The following ETV7 variants were observed in gnomAD, a reference collection of about 807,000 sequenced individuals.
The protein encoded by ETV7 is ETS variant transcription factor 7.
In ETV7, 43 loss-of-function variants were observed where a neutral mutation model predicts 39.1. The ratio of observed to expected loss-of-function variants is 1.10; its 90% CI spans 0.86 to 1.42. The LOEUF (loss-of-function observed/expected upper bound fraction) is 1.42, where lower values mean the gene tolerates loss of function less well. ETV7 is among the 40% of genes most tolerant of loss of function. The probability of loss-of-function intolerance (pLI) is 0.00; values close to 1 mark genes in which losing one functional copy is unlikely to be tolerated. For synonymous variants in ETV7, 196 were observed against 176.6 expected, an observed-to-expected ratio of 1.11 and a Z score of -0.87; for missense variants, 432 against 442.3, an observed-to-expected ratio of 0.98 and a Z score of 0.21.
intron 6 of ETV7, among the ~76,000 whole-genome samples, chr6:36,367,701 TTCTC>T (rs902155629): frequency 2.0e-5 from 3 of 151,832 alleles, no homozygotes; most frequent in Non-Finnish European, 4.4e-5. Flanking sequence ...AGTCATTTCT[TTCTC>T]TCTCGGGGGT....
chr6:36,377,452 C>A (rs1480388758), intron 2 of ETV7, among the ~76,000 whole-genome samples: 3 of 152,058 alleles, frequency 2.0e-5, no homozygotes, highest in African/African-American at 7.2e-5. Context: ...CAGAGTGAGA[C>A]CCTGTATCAA....
At chr6:36,375,833 G>C in intron 3 of ETV7, 38 bp downstream of exon 3, 15 of 1,613,148 alleles carry the variant, frequency 9.3e-6, no homozygotes, top group Admixed American at 1.7e-5. Context: ...GGCCTACCAG[G>C]GTTCCCGCTT....
chr6:36,366,957 AGGTCATGTTCACCC>A lies in ETV7; in HGVS notation c.812_825del (p.Arg271LeufsTer13). ...CGCAGGGCACGAGACATCTTCTCGT[AGGTCATGTTCACCC>A]GGTTCTGGAAAGCAAAGCAGCCCCA... On this transcript the variant is annotated frameshift_variant, in exon 7 of 8. Coordinates refer to ENST00000340181, the MANE Select transcript of ETV7 (RefSeq NM_016135.4). LOFTEE classifies it high-confidence loss of function. The A allele has an allele frequency of 6.2e-7, 1 of 1,613,976 alleles. No individual in the cohort carries two copies. The highest frequency in any genetic ancestry group is 8.5e-7 in the Non-Finnish European group (1 of 1,179,972).
chr6:36,369,043 AT>A lies in ETV7; in HGVS notation c.692del (p.Tyr231PhefsTer42), dbSNP rs1422011238. 6.2e-7 allele frequency: 1 copy of A among 1,614,196 alleles called. No individual in the cohort carries two copies. The highest frequency in any genetic ancestry group is 1.1e-5 in the South Asian group (1 of 91,090). On this transcript the variant is annotated frameshift_variant, in exon 6 of 8. Coordinates refer to ENST00000340181, the MANE Select transcript of ETV7 (RefSeq NM_016135.4). LOFTEE classifies it high-confidence loss of function. The part of the protein sequence containing the change: ...ADCRLLWDYV[Y>X]QLLLDTRYEP... ...CATATCGGGTATCAAGGAGCAGCTG[AT>A]ACACGTAATCCCACAGCAGGCGGCA...
At chr6:36,365,955 T>C (rs912257652), downstream of ETV7, among the ~76,000 whole-genome samples, 2 of 152,196 alleles carry the variant, frequency 1.3e-5, no homozygotes, top group African/African-American at 4.8e-5. Flanking sequence ...GAGGATCACC[T>C]GAGGTCGCAA....
downstream of ETV7, among the ~76,000 whole-genome samples, chr6:36,362,299 C>T (rs887723999): frequency 8.1e-5 from 12 of 148,114 alleles, no homozygotes; most frequent in East Asian, 2.3e-3. Context: ...GAGACTCTGT[C>T]TCAAAAAAAA....
At chr6:36,359,173 G>A (rs770524235) in intron 7 of ETV7, among the ~76,000 whole-genome samples, 4 of 152,224 alleles carry the variant, frequency 2.6e-5, no homozygotes, top group Non-Finnish European at 4.4e-5. Context: ...TGGACAGGCT[G>A]GGCGAAGTGG....
At chr6:36,354,295 T>C (rs1225354615) in exon 8 of ETV7, 1 of 163,352 alleles carries the variant, frequency 6.1e-6, no homozygotes, top group African/African-American at 2.4e-5. Context: ...TTATTACTTA[T>C]TCTTTTGGTG....
chr6:36,363,039 G>A (rs1034616701), downstream of ETV7, among the ~76,000 whole-genome samples: 5 of 152,276 alleles, frequency 3.3e-5, no homozygotes, highest in Admixed American at 6.5e-5. Context: ...TCGCTCTGGC[G>A]GCAGTTCCCT....
At chr6:36,370,770 T>C (rs1772977456) in intron 5 of ETV7, among the ~76,000 whole-genome samples, 1 of 152,168 alleles carries the variant, frequency 6.6e-6, no homozygotes, top group African/African-American at 2.4e-5. Context: ...TGTCTGGTTG[T>C]CTGCCTGTTA....
chr6:36,372,696 G>T (rs1038790208), intron 4 of ETV7, among the ~76,000 whole-genome samples: 4 of 145,806 alleles, frequency 2.7e-5, no homozygotes, highest in Non-Finnish European at 4.5e-5. Context: ...GGTTTGTGGG[G>T]CTGGGGAAGA....
intron 4 of ETV7, 147 bp downstream of exon 4, chr6:36,373,306 G>T (rs1424689185): frequency 5.8e-6 from 5 of 867,806 alleles, no homozygotes; most frequent in Non-Finnish European, 6.3e-6. Flanking sequence ...GGCCAGGAAC[G>T]CCCCAGAGCA....
intron 7 of ETV7, among the ~76,000 whole-genome samples, chr6:36,355,325 C>G (rs1031784125): frequency 5.9e-5 from 9 of 151,288 alleles, no homozygotes; most frequent in South Asian, 2.1e-4. Context: ...TTTTCCCTAT[C>G]TATTGAGATG....
At chr6:36,364,407 C>A (rs1048114774), downstream of ETV7, among the ~76,000 whole-genome samples, 1 of 152,238 alleles carries the variant, frequency 6.6e-6, no homozygotes, top group South Asian at 2.1e-4. Flanking sequence ...GGTGAGAAAT[C>A]GAGCGCAGCG....
In ETV7 at chr6:36,387,574, T is replaced by C; in HGVS notation, c.-33A>G. The C allele has an allele frequency of 6.2e-7, 1 of 1,613,726 alleles. No homozygotes were observed. Among genetic ancestry groups the C allele is most frequent in the Non-Finnish European group, 8.5e-7 (1 of 1,179,924 alleles). On this transcript the variant is annotated 5_prime_UTR_variant, in exon 1 of 8. Transcript: ENST00000340181. Reference sequence around the variant, plus strand: ...GGAGGTGAGGAAGCCACCGGCTTTCTGTCTTGAGCGCTCCCCTGGCTGTGG... The same window carrying C: ...GGAGGTGAGGAAGCCACCGGCTTTCCGTCTTGAGCGCTCCCCTGGCTGTGG...
chr6:36,363,600 C>T (rs372255721), downstream of ETV7, among the ~76,000 whole-genome samples: 2 of 152,248 alleles, frequency 1.3e-5, no homozygotes, highest in African/African-American at 2.4e-5. Context: ...CCCACGGTGT[C>T]AAAGGGGACC....
downstream of ETV7, among the ~76,000 whole-genome samples, chr6:36,361,503 C>T (rs1582163526): frequency 6.6e-6 from 1 of 152,226 alleles, no homozygotes; most frequent in African/African-American, 2.4e-5. Context: ...GCCCTAGGAT[C>T]CTCTGTGACA....
intron 3 of ETV7, among the ~76,000 whole-genome samples, chr6:36,374,199 A>C (rs1773186982): frequency 6.6e-6 from 1 of 152,106 alleles, no homozygotes; most frequent in Non-Finnish European, 1.5e-5. Flanking sequence ...CTCTACAAAA[A>C]TTTTAAAAAT....
At chr6:36,374,713 C>T (rs984662665) in intron 3 of ETV7, among the ~76,000 whole-genome samples, 2 of 152,192 alleles carry the variant, frequency 1.3e-5, no homozygotes, top group African/African-American at 4.8e-5. Flanking sequence ...AATCCAAGCT[C>T]TTAGAGAGAC....
Sources: allele counts gnomAD v4.1 joint callset (sites outside exome capture counted in the v4.1 genomes callset), GRCh38; gene constraint gnomAD v4.1.1; transcripts MANE v1.5; gene names NCBI Gene and HGNC (gene_info 2026-07-23, HGNC 2026-07-21).